The following VCAN variants were observed in gnomAD, a reference collection of about 807,000 sequenced individuals.
The protein encoded by VCAN is versican core protein.
In VCAN, 44 loss-of-function variants were observed where a neutral mutation model predicts 245.5. That is an observed-to-expected ratio of 0.18 (90% CI 0.14 to 0.23). The LOEUF (loss-of-function observed/expected upper bound fraction) is 0.23, where lower values mean the gene tolerates loss of function less well. Ranked by LOEUF, VCAN falls within the 10% of genes least tolerant of loss-of-function variation. The probability of loss-of-function intolerance (pLI) is 1.00; values close to 1 mark genes in which losing one functional copy is unlikely to be tolerated. For synonymous variants in VCAN, 1,413 were observed against 1,437.0 expected (o/e 0.98, Z 0.38); for missense variants, 3,793 against 4,057.9 (o/e 0.93, Z 1.77).
intron 1 of VCAN, among the ~76,000 whole-genome samples, chr5:83,481,736 G>A (rs376420900): frequency 6.6e-6 from 1 of 152,172 alleles, no homozygotes; most frequent in Non-Finnish European, 1.5e-5. Context: ...TCTTCAGAGA[G>A]TGTCTAGAAT....
chr5:83,481,149 GA>G (rs1316912607), intron 1 of VCAN, among the ~76,000 whole-genome samples: 1 of 148,756 alleles, frequency 6.7e-6, no homozygotes, highest in East Asian at 1.9e-4. Context: ...AGATTTCCTG[GA>G]AAAAAAGAAA....
chr5:83,503,617 G>C (rs1323240583), intron 5 of VCAN, among the ~76,000 whole-genome samples: 3 of 152,226 alleles, frequency 2.0e-5, no homozygotes, highest in Non-Finnish European at 4.4e-5. Flanking sequence ...AAACAGTGCA[G>C]TATAGTAGAG....
Position 83,521,236 on chromosome 5 carries a change from T to C in VCAN, c.2930T>C (p.Val977Ala). The C allele has an allele frequency of 6.2e-7, 1 of 1,614,036 alleles. No individual in the cohort carries two copies. Among genetic ancestry groups the C allele is most frequent in the Non-Finnish European group, 8.5e-7 (1 of 1,179,884 alleles). ...TCTTCCCATACCATTCCTCTTTCTG[T>C]AATTCCCAAGACAGACTGGGGAGTG... is the stretch of plus-strand genomic sequence containing the variant. ...VDSSHTIPLS[V>A]IPKTDWGVLV... The change falls in exon 7 of 15, where the codon GTA (valine) becomes GCA (alanine). Residue 977 changes from valine (V) to alanine (A), a missense_variant. By Grantham distance (64) the Val-to-Ala change is moderately conservative (BLOSUM62 0). Coordinates refer to ENST00000265077, the MANE Select transcript of VCAN (RefSeq NM_004385.5).
Position 83,541,271 on chromosome 5 carries a change from T to G in VCAN, c.8268T>G (p.His2756Gln). 2 of 1,613,948 alleles carry G rather than the reference T, an allele frequency of 1.2e-6. No individual in the cohort carries two copies. Among genetic ancestry groups the G allele is most frequent in the Non-Finnish European group, 1.7e-6 (2 of 1,179,984 alleles). ...RTQEEYEDKK[H>Q]AGPSFQPEFS... Reference sequence around the variant, plus strand: ...AGGAGGAGTATGAAGACAAAAAACATGCTGGTCCTTCTTTTCAGCCAGAAT... The same window carrying G: ...AGGAGGAGTATGAAGACAAAAAACAGGCTGGTCCTTCTTTTCAGCCAGAAT... The change falls in exon 8 of 15, where the codon CAT becomes CAG. Residue 2756 changes from histidine (H) to glutamine (Q), a missense_variant. Around this residue, in one of 5 missense-constraint regions of VCAN, gnomAD observed 3,182 missense variants for 3,250.3 expected, o/e 0.98. Coordinates refer to ENST00000265077, the MANE Select transcript of VCAN (RefSeq NM_004385.5).
At chr5:83,512,422 A>G in intron 6 of VCAN, 26 bp downstream of exon 6, 1 of 1,609,700 alleles carries the variant, frequency 6.2e-7, no homozygotes, top group South Asian at 1.1e-5. Flanking sequence ...CTTTTTAAAA[A>G]TTACAGTTTT....
At chr5:83,527,366 C>T (rs1359555903) in intron 7 of VCAN, among the ~76,000 whole-genome samples, 1 of 152,180 alleles carries the variant, frequency 6.6e-6, no homozygotes, top group Admixed American at 6.5e-5. Flanking sequence ...GGTTCCTTTT[C>T]CTGAGCTCCA....
intron 12 of VCAN, among the ~76,000 whole-genome samples, chr5:83,556,745 TGAA>T (rs1747681909): frequency 2.0e-5 from 3 of 152,292 alleles, no homozygotes; most frequent in South Asian, 4.1e-4. Flanking sequence ...TAATTTTAAT[TGAA>T]GATAATTTTG....
chr5:83,562,237 C>T (rs1261372910), intron 12 of VCAN: 1 of 152,170 alleles, frequency 6.6e-6, no homozygotes, highest in Admixed American at 6.6e-5. Flanking sequence ...TTCTTTAACA[C>T]ATTACTCATG....
Position 83,572,390 on chromosome 5 carries a change from G to A in VCAN, c.9736-26G>A, listed in dbSNP as rs567949463. On this transcript the variant is annotated intron_variant, in intron 12 of 14. Transcript: ENST00000265077. ...TACGTTACTTTTTGACTAGCAAGTA[G>A]TTACCTTCTCCCTCCATTTTTACAG... is the stretch of plus-strand genomic sequence containing the variant. The A allele has an allele frequency of 6.5e-5, 105 of 1,613,644 alleles. No homozygotes were observed. In the South Asian group the frequency reaches 1.1e-3, roughly 17 times the overall value.
Position 83,555,045 on chromosome 5 carries a change from T to C in VCAN, c.9735+7T>C, listed in dbSNP as rs1180089832. ...GACTGATGGCAGCACACTGGTAAGA[T>C]GCCCTTGAAAATGATGTCAAGTTCT... is the stretch of plus-strand genomic sequence containing the variant. On this transcript the variant is annotated splice_region_variant and intron_variant, in intron 12 of 14. Transcript: ENST00000265077. 1.9e-6 allele frequency: 3 copies of C among 1,613,384 alleles called. No individual in the cohort carries two copies. Among genetic ancestry groups the C allele is most frequent in the Non-Finnish European group, 1.7e-6 (2 of 1,179,442 alleles).
rs1292246718 is a variant in VCAN at position 83,539,211 on chromosome 5, A to G, written c.6208A>G (p.Lys2070Glu). ...ILPTAEVEGTKAPVEKEEVKV... is the reference protein window; with the variant it reads ...ILPTAEVEGTEAPVEKEEVKV... ...ACCAACAGCAGAAGTGGAAGGTACGAAAGCTCCAGTAGAGAAGGAGGAAGT... is the reference window on the plus strand; with the variant it reads ...ACCAACAGCAGAAGTGGAAGGTACGGAAGCTCCAGTAGAGAAGGAGGAAGT... The change falls in exon 8 of 15, where the codon AAA becomes GAA. Residue 2070 changes from lysine to glutamate, a missense_variant. Physicochemically the swap from Lys to Glu is moderately conservative, Grantham distance 56. This residue lies in a region of VCAN where 3,182 missense variants were observed against 3,250.3 expected (regional missense o/e 0.98). Coordinates refer to ENST00000265077, the MANE Select transcript of VCAN (RefSeq NM_004385.5). 6.2e-7 allele frequency: 1 copy of G among 1,613,922 alleles called. No homozygotes were observed. Among genetic ancestry groups the G allele is most frequent in the African/African-American group, 1.3e-5 (1 of 74,940 alleles).
chr5:83,537,775 C>T lies in VCAN; in HGVS notation c.4772C>T (p.Ala1591Val). The T allele has an allele frequency of 6.2e-7, 1 of 1,613,990 alleles. No homozygotes were observed. Reference protein sequence around the residue: ...TYTPTIVPSSASAYVSEEEAV... With the variant: ...TYTPTIVPSSVSAYVSEEEAV... The stretch of plus-strand genomic sequence containing the variant: ...ACTCCCACTATAGTTCCAAGTTCTG[C>T]ATCAGCATATGTTTCAGAGGAAGAA... Residue 1591 changes from alanine (A) to valine (V), a missense_variant, in exon 8 of 15, where the codon GCA (alanine) becomes GTA (valine). Ala to Val is a moderately conservative substitution (Grantham distance 64, BLOSUM62 0). This residue lies in a region of VCAN where 3,182 missense variants were observed against 3,250.3 expected (regional missense o/e 0.98). Coordinates refer to ENST00000265077, the MANE Select transcript of VCAN (RefSeq NM_004385.5).
At chr5:83,475,610 T>C (rs955315761) in intron 1 of VCAN, among the ~76,000 whole-genome samples, 1 of 152,224 alleles carries the variant, frequency 6.6e-6, no homozygotes, top group Non-Finnish European at 1.5e-5. Context: ...GAGCAGTACA[T>C]CAGGGAGAAG....
chr5:83,543,246 C>G (rs1265307504), intron 8 of VCAN, among the ~76,000 whole-genome samples: 1 of 152,144 alleles, frequency 6.6e-6, no homozygotes, highest in Non-Finnish European at 1.5e-5. Flanking sequence ...GAAATCAGCT[C>G]TAATGGTGTT....
chr5:83,540,354 A>C lies in VCAN; in HGVS notation c.7351A>C (p.Thr2451Pro). 1 of 1,614,084 alleles carries C rather than the reference A, an allele frequency of 6.2e-7. No individual in the cohort carries two copies. Among genetic ancestry groups the C allele is most frequent in the Non-Finnish European group, 8.5e-7 (1 of 1,179,966 alleles). Reference sequence around the variant, plus strand: ...TCACACTTCTGCAACTACTCAGGCAACCAGACAAGAAAGCAGCACCACATT... The same window carrying C: ...TCACACTTCTGCAACTACTCAGGCACCCAGACAAGAAAGCAGCACCACATT... Reference protein sequence around the residue: ...SFHTSATTQATRQESSTTFVS... With the variant: ...SFHTSATTQAPRQESSTTFVS... The change falls in exon 8 of 15, where the codon ACC becomes CCC. Residue 2451 changes from threonine to proline, a missense_variant. Physicochemically the swap from Thr to Pro is conservative, Grantham distance 38. Around this residue, in one of 5 missense-constraint regions of VCAN, gnomAD observed 3,182 missense variants for 3,250.3 expected, o/e 0.98. Coordinates refer to ENST00000265077, the MANE Select transcript of VCAN (RefSeq NM_004385.5).
intron 2 of VCAN, among the ~76,000 whole-genome samples, chr5:83,485,910 G>C (rs1234562674): frequency 6.6e-6 from 1 of 152,080 alleles, no homozygotes; most frequent in East Asian, 1.9e-4. Context: ...GACCAGTCTG[G>C]GCAACACAGT....
rs1393924740 is a variant in VCAN, at chr5:83,521,279, A to C, written c.2973A>C (p.Pro991=). 1.2e-6 allele frequency: 2 copies of C among 1,613,994 alleles called. No individual in the cohort carries two copies. Among genetic ancestry groups the C allele is most frequent in the Admixed American group, 3.3e-5 (2 of 60,006 alleles). The stretch of plus-strand genomic sequence containing the variant: ...GGGGAGTGTTAGTACCTTCTGTTCC[A>C]TCAGAAGATGAAGTTCTAGGTGAAC... ...TDWGVLVPSV[P]SEDEVLGEPS... The change falls in exon 7 of 15, where the codon CCA becomes CCC. Residue 991 remains proline (P), a synonymous_variant. Coordinates refer to ENST00000265077, the MANE Select transcript of VCAN (RefSeq NM_004385.5).
chr5:83,532,712 T>C (rs1391170012), intron 7 of VCAN, among the ~76,000 whole-genome samples: 1 of 151,160 alleles, frequency 6.6e-6, no homozygotes, highest in Admixed American at 6.6e-5. Flanking sequence ...ACAACCTGTC[T>C]AAAAAAAAAT....
At chr5:83,494,955 A>C (rs1284472735) in intron 5 of VCAN, among the ~76,000 whole-genome samples, 1 of 152,172 alleles carries the variant, frequency 6.6e-6, no homozygotes, top group Non-Finnish European at 1.5e-5. Flanking sequence ...ACTCCAGCCT[A>C]GGTGACAGAG....
Sources: gnomAD v4.1 joint callset for allele counts (sites outside exome capture counted in the v4.1 genomes callset) on GRCh38, gnomAD v4.1.1 for gene constraint, gnomAD v4.1.1 regional missense constraint, MANE v1.5 for transcripts, NCBI Gene and HGNC (gene_info 2026-07-23, HGNC 2026-07-21) for gene names.